The following ARMH3 variants were observed in gnomAD, a reference collection of about 807,000 sequenced individuals.
The protein encoded by ARMH3 is armadillo-like helical domain-containing protein 3.
ARMH3 carries 60 observed loss-of-function variants against 99.1 expected under a neutral mutation model. That is an observed-to-expected ratio of 0.61 (90% CI 0.49 to 0.75). The LOEUF is 0.75. Ranked by LOEUF, ARMH3 falls within the 30% of genes least tolerant of loss-of-function variation. ARMH3 has a pLI of 0.00. For synonymous variants in ARMH3, 285 were observed against 292.8 expected, an observed-to-expected ratio of 0.97 and a Z score of 0.27; for missense variants, 679 against 843.1, an observed-to-expected ratio of 0.81 and a Z score of 2.41.
At chr10:101,927,284 C>T (rs2135641909) in intron 23 of ARMH3, among the ~76,000 whole-genome samples, 2 of 152,226 alleles carry the variant, frequency 1.3e-5, no homozygotes, top group South Asian at 4.1e-4. Context: ...AAACCCAAGG[C>T]CTCTGCTGTC....
At chr10:102,055,317 A>G (rs1050571857) in intron 1 of ARMH3, among the ~76,000 whole-genome samples, 3 of 151,804 alleles carry the variant, frequency 2.0e-5, no homozygotes, top group African/African-American at 7.3e-5. Context: ...AAATAAATAA[A>G]TAAATAAATA....
intron 9 of ARMH3, 44 bp downstream of exon 9, chr10:102,013,924 G>T: frequency 6.8e-7 from 1 of 1,478,424 alleles, no homozygotes; most frequent in Non-Finnish European, 9.3e-7. Context: ...TAATACCATT[G>T]AATGCAAATA....
chr10:102,008,975 G>A (rs2066570754), intron 13 of ARMH3, among the ~76,000 whole-genome samples: 1 of 152,092 alleles, frequency 6.6e-6, no homozygotes, highest in South Asian at 2.1e-4. Context: ...CTGGAAATTG[G>A]TGAGATAATA....
intron 23 of ARMH3, among the ~76,000 whole-genome samples, chr10:101,904,652 T>TAA (rs535599334): frequency 6.9e-6 from 1 of 144,588 alleles, no homozygotes; most frequent in African/African-American, 2.5e-5. Flanking sequence ...GTGTTGGGAT[T>TAA]AAAAAAAAAA....
chr10:101,972,363 G>A (rs1845806925), intron 20 of ARMH3, among the ~76,000 whole-genome samples: 1 of 152,192 alleles, frequency 6.6e-6, no homozygotes, highest in Admixed American at 6.5e-5. Flanking sequence ...AAGGGCTTTT[G>A]TGTGTCCAGT....
intron 1 of ARMH3, among the ~76,000 whole-genome samples, chr10:102,044,845 A>G (rs1309376049): frequency 2.0e-5 from 3 of 152,176 alleles, no homozygotes; most frequent in African/African-American, 7.2e-5. Context: ...GAATAAAAGT[A>G]AATGTGCACA....
At chr10:101,945,342 G>A (rs1378382397) in intron 22 of ARMH3, among the ~76,000 whole-genome samples, 1 of 152,178 alleles carries the variant, frequency 6.6e-6, no homozygotes, top group Non-Finnish European at 1.5e-5. Flanking sequence ...AACACTCTGG[G>A]AGGTCAAGGA....
intron 22 of ARMH3, among the ~76,000 whole-genome samples, chr10:101,942,193 G>C (rs1041376331): frequency 2.6e-5 from 4 of 152,068 alleles, no homozygotes; most frequent in African/African-American, 9.7e-5. Flanking sequence ...CATTTATGTA[G>C]TAAATTATAG....
At chr10:102,052,047 GC>G (rs930237246) in intron 1 of ARMH3, among the ~76,000 whole-genome samples, 1 of 152,108 alleles carries the variant, frequency 6.6e-6, no homozygotes, top group African/African-American at 2.4e-5. Context: ...TTCTCAATGA[GC>G]AGGAGATTCC....
At chr10:101,936,073 C>G (rs1843956276) in intron 23 of ARMH3, among the ~76,000 whole-genome samples, 1 of 152,156 alleles carries the variant, frequency 6.6e-6, no homozygotes, top group Non-Finnish European at 1.5e-5. Flanking sequence ...TTTTTGCTCT[C>G]TGCTAAGAGA....
At chr10:102,016,689 T>C (rs1189376391) in intron 8 of ARMH3, among the ~76,000 whole-genome samples, 1 of 152,232 alleles carries the variant, frequency 6.6e-6, no homozygotes, top group Non-Finnish European at 1.5e-5. Flanking sequence ...AATTTCTATT[T>C]TACCAGAGGC....
chr10:101,915,800 CTTTTTTTTTTTT>C (rs781162716), intron 23 of ARMH3, among the ~76,000 whole-genome samples: 1 of 130,860 alleles, frequency 7.6e-6, no homozygotes. Context: ...ATTGCAAGTC[CTTTTTTTTTTTT>C]TTTTTTTTTG....
chr10:101,956,807 C>G, intron 21 of ARMH3, 84 bp from the exon 22 acceptor site: 1 of 1,402,534 alleles, frequency 7.1e-7, no homozygotes. Flanking sequence ...CCAGCTCTTA[C>G]TGTCTTGCAA....
intron 24 of ARMH3, among the ~76,000 whole-genome samples, chr10:101,888,741 A>T (rs556468463): frequency 5.5e-4 from 84 of 152,342 alleles, no homozygotes; most frequent in Non-Finnish European, 1.0e-3. Flanking sequence ...AGTGCTTTTT[A>T]AAAAAGGACT....
chr10:102,030,863 G>A (rs912392253), intron 4 of ARMH3, among the ~76,000 whole-genome samples: 1 of 152,142 alleles, frequency 6.6e-6, no homozygotes, highest in East Asian at 1.9e-4. Context: ...CCGCCTCACT[G>A]CAACCTCCAC....
At chr10:101,964,353 C>G (rs1376229309) in intron 20 of ARMH3, among the ~76,000 whole-genome samples, 1 of 152,178 alleles carries the variant, frequency 6.6e-6, no homozygotes, top group Non-Finnish European at 1.5e-5. Flanking sequence ...CTTCACTCCA[C>G]TGGCCTAAGA....
At chr10:101,890,836 T>C (rs1439745690) in intron 23 of ARMH3, among the ~76,000 whole-genome samples, 1 of 151,962 alleles carries the variant, frequency 6.6e-6, no homozygotes, top group South Asian at 2.1e-4. Context: ...AAGAAAAATA[T>C]CAGACAGGGG....
chr10:101,878,364 A>G (rs2067320696), intron 24 of ARMH3, among the ~76,000 whole-genome samples: 1 of 152,126 alleles, frequency 6.6e-6, no homozygotes, highest in Admixed American at 6.6e-5. Flanking sequence ...GTAAGGCATC[A>G]TGTCTCACGT....
rs372808814 is a variant in ARMH3, at chr10:102,036,794, T to C, written c.102+3219A>G. 2.6e-5 allele frequency among the ~76,000 whole-genome samples: 4 copies of C among 151,454 alleles called. No homozygotes were observed. In the East Asian group the frequency reaches 5.8e-4, roughly 22 times the overall value. ...GACCTTTGTTCACTTGTTTATCTGC[T>C]GACCTTCCCTCCACTATTGTCCTAT... On this transcript the variant is annotated intron_variant, in intron 2 of 25. Transcript: ENST00000370033.
Sources: gnomAD v4.1 joint callset for allele counts (sites outside exome capture counted in the v4.1 genomes callset) on GRCh38, gnomAD v4.1.1 for gene constraint, MANE v1.5 for transcripts, NCBI Gene and HGNC (gene_info 2026-07-23, HGNC 2026-07-21) for gene names.